The following MECOM variants were observed in gnomAD, a reference collection of about 807,000 sequenced individuals.
MECOM encodes histone-lysine N-methyltransferase MECOM.
MECOM carries 13 observed loss-of-function variants against 116.3 expected under a neutral mutation model. The ratio of observed to expected loss-of-function variants is 0.11; its 90% CI spans 0.07 to 0.18. MECOM has a LOEUF of 0.18. Among genes scored for constraint, MECOM ranks in the 10% least tolerant of loss-of-function variants. MECOM has a pLI of 1.00. For synonymous variants in MECOM, 528 were observed against 535.2 expected (o/e 0.99, Z 0.19); for missense variants, 1,299 against 1,509.0 (o/e 0.86, Z 2.31).
intron 2 of MECOM, among the ~76,000 whole-genome samples, chr3:169,220,318 AAAAAG>A (rs920422095): frequency 1.9e-4 from 29 of 152,262 alleles, no homozygotes; most frequent in Middle Eastern, 6.8e-3. Context: ...AAAAACAAGC[AAAAAG>A]AAAAGAAAAG....
chr3:169,651,133 G>C (rs984171890), intron 1 of MECOM, among the ~76,000 whole-genome samples: 2 of 152,090 alleles, frequency 1.3e-5, no homozygotes, highest in Non-Finnish European at 2.9e-5. Context: ...GTGTTATGTT[G>C]GCCATGGGTT....
chr3:169,516,499 G>A (rs1397976492), intron 1 of MECOM, among the ~76,000 whole-genome samples: 3 of 151,912 alleles, frequency 2.0e-5, no homozygotes, highest in Admixed American at 1.3e-4. Flanking sequence ...ATAAAAGAAT[G>A]TTCTTTTTTT....
chr3:169,589,246 A>C (rs768741962), intron 1 of MECOM, among the ~76,000 whole-genome samples: 1 of 152,154 alleles, frequency 6.6e-6, no homozygotes, highest in Non-Finnish European at 1.5e-5. Flanking sequence ...AAGATGGAGA[A>C]GAAGGCCCCA....
intron 1 of MECOM, among the ~76,000 whole-genome samples, chr3:169,574,198 T>A (rs923489743): frequency 6.6e-5 from 10 of 152,272 alleles, no homozygotes; most frequent in African/African-American, 2.2e-4. Context: ...AAAATAAAAA[T>A]AAATGAATTT....
At chr3:169,576,333 G>A (rs570210633) in intron 1 of MECOM, among the ~76,000 whole-genome samples, 1 of 151,952 alleles carries the variant, frequency 6.6e-6, no homozygotes, top group Non-Finnish European at 1.5e-5. Flanking sequence ...CATATTTAAC[G>A]CATCAAAAAC....
Position 169,102,114 on chromosome 3 carries a change from G to C in MECOM, c.2717C>G (p.Pro906Arg). 6.2e-7 allele frequency: 1 copy of C among 1,613,792 alleles called. No homozygotes were observed. ...CAGAAGGTTCTCTGGCAGGGCATTGGGAGGCGCCCTGAAGTTGAACATAGA... is the reference window on the plus strand; with the variant it reads ...CAGAAGGTTCTCTGGCAGGGCATTGCGAGGCGCCCTGAAGTTGAACATAGA... ...VPSMFNFRAP[P>R]NALPENLLRK... is the part of the protein sequence containing the mutation. Residue 906 changes from proline (P) to arginine (R), a missense_variant, in exon 11 of 17, where the codon CCC (proline) becomes CGC (arginine). This residue lies in a region of MECOM where 340 missense variants were observed against 312.6 expected (regional missense o/e 1.09). Transcript: ENST00000651503.
intron 1 of MECOM, among the ~76,000 whole-genome samples, chr3:169,603,432 G>A (rs115537477): frequency 0.011 from 1,694 of 152,212 alleles, 32 homozygotes; most frequent in African/African-American, 0.039. Flanking sequence ...TATTATTCAA[G>A]AAAGAAAAAT....
intron 5 of MECOM, among the ~76,000 whole-genome samples, chr3:169,123,731 A>G (rs540783805): frequency 6.6e-6 from 1 of 152,106 alleles, no homozygotes; most frequent in Non-Finnish European, 1.5e-5. Flanking sequence ...ACATCTTGTT[A>G]TGACAAAAGG....
At position 169,454,415 on chromosome 3, in the gene MECOM, T is replaced by G. The variant is rs1746142004; in HGVS notation, c.38-72891A>C. Among the ~76,000 whole-genome samples, 4 of 146,908 alleles carry G rather than the reference T, an allele frequency of 2.7e-5. No individual in the cohort carries two copies. The South Asian group carries it at 8.8e-4, about 32-fold the overall frequency. ...GAAAAAAAAAAAAAAAAAAAGCCCT[T>G]TCTTAGTTATATTTACAAATGCCGT... is the stretch of plus-strand genomic sequence containing the variant. On this transcript the variant is annotated intron_variant, in intron 1 of 16. Transcript: ENST00000651503.
chr3:169,514,499 C>T (rs566402448), intron 1 of MECOM, among the ~76,000 whole-genome samples: 1 of 152,312 alleles, frequency 6.6e-6, no homozygotes, highest in East Asian at 1.9e-4. Flanking sequence ...CCTCAGCACT[C>T]ACTAAAAAGG....
chr3:169,563,064 CAAAAA>C (rs34061227), intron 1 of MECOM, among the ~76,000 whole-genome samples: 207 of 79,452 alleles, frequency 2.6e-3, no homozygotes, highest in African/African-American at 9.7e-3. Context: ...AGCTCCATCT[CAAAAA>C]AAAAAAAAAA....
intron 2 of MECOM, among the ~76,000 whole-genome samples, chr3:169,344,542 C>T (rs1431546745): frequency 6.6e-6 from 1 of 152,076 alleles, no homozygotes; most frequent in Non-Finnish European, 1.5e-5. Context: ...GTTTTGCCAC[C>T]AACTAGCAAA....
intron 2 of MECOM, among the ~76,000 whole-genome samples, chr3:169,205,943 A>G: frequency 6.6e-6 from 1 of 152,214 alleles, no homozygotes; most frequent in East Asian, 1.9e-4. Context: ...TCTCTTTAAA[A>G]ATGGAAAGAC....
intron 1 of MECOM, among the ~76,000 whole-genome samples, chr3:169,382,296 A>T (rs1209240325): frequency 6.6e-6 from 1 of 152,162 alleles, no homozygotes; most frequent in Non-Finnish European, 1.5e-5. Context: ...GGGAGATCAG[A>T]AACGCTTTGT....
chr3:169,317,662 G>A (rs751247674), intron 2 of MECOM, among the ~76,000 whole-genome samples: 1 of 152,144 alleles, frequency 6.6e-6, no homozygotes, highest in Non-Finnish European at 1.5e-5. Context: ...ATCCACAACT[G>A]TCACCACTCC....
chr3:169,192,388 T>C (rs763977301), intron 2 of MECOM, among the ~76,000 whole-genome samples: 13 of 152,022 alleles, frequency 8.6e-5, no homozygotes, highest in Non-Finnish European at 1.3e-4. Context: ...AGTTTTCCTC[T>C]CTGAGCAAGT....
intron 2 of MECOM, among the ~76,000 whole-genome samples, chr3:169,175,320 T>C (rs1385205329): frequency 1.3e-5 from 2 of 152,146 alleles, no homozygotes; most frequent in Admixed American, 1.3e-4. Flanking sequence ...AGTGCCTATA[T>C]GACACCACAG....
chr3:169,578,292 C>T (rs1244292509), intron 1 of MECOM, among the ~76,000 whole-genome samples: 1 of 152,166 alleles, frequency 6.6e-6, no homozygotes, highest in Admixed American at 6.6e-5. Flanking sequence ...CCTGCCAGGA[C>T]TTCTTCAGTG....
intron 2 of MECOM, chr3:169,145,437 A>G (rs1157829): frequency 0.014 from 3,337 of 235,308 alleles, 106 homozygotes; most frequent in African/African-American, 0.061. Context: ...TAAATAGTAA[A>G]AAGTTGGAGT....
Sources: gnomAD v4.1 joint callset for allele counts (sites outside exome capture counted in the v4.1 genomes callset) on GRCh38, gnomAD v4.1.1 for gene constraint, gnomAD v4.1.1 regional missense constraint, MANE v1.5 for transcripts, NCBI Gene and HGNC (gene_info 2026-07-23, HGNC 2026-07-21) for gene names.